Variants in HKDC1 observed in about 807,000 individuals in gnomAD.
The protein encoded by HKDC1 is hexokinase domain containing 1, also known as hexokinase HKDC1.
A neutral mutation model predicts 96.6 loss-of-function variants in HKDC1; 66 were observed. The ratio of observed to expected loss-of-function variants is 0.68; its 90% CI spans 0.56 to 0.84. HKDC1 has a LOEUF of 0.84. HKDC1 is among the 40% of genes least tolerant of loss of function. The pLI, the probability that HKDC1 is intolerant of heterozygous loss-of-function variation, is 0.00. For synonymous variants in HKDC1, 466 were observed against 473.1 expected (o/e 0.98, Z 0.20); for missense variants, 1,211 against 1,208.1 (o/e 1.00, Z -0.04).
chr10:69,257,718 T>C (rs1311224713), intron 14 of HKDC1, among the ~76,000 whole-genome samples: 3 of 152,160 alleles, frequency 2.0e-5, no homozygotes, highest in African/African-American at 7.2e-5. Context: ...TTGGATCATC[T>C]TGGCCTGGGG....
chr10:69,232,792 C>T lies in HKDC1; in HGVS notation c.255C>T (p.Leu85=), dbSNP rs758640909. The T allele has an allele frequency of 1.4e-5, 22 of 1,613,986 alleles. No individual in the cohort carries two copies. The highest frequency in any genetic ancestry group is 4.4e-5 in the South Asian group (4 of 91,078). The change falls in exon 3 of 18, where the codon CTC becomes CTT. Residue 85 remains leucine (L), a synonymous_variant. Transcript: ENST00000354624. ...ATGGGGAGTTCCTTTCCCTGGATCT[C>T]GGAGGGTCCAAGTTCCGAGTGCTGA... ...SENGEFLSLD[L]GGSKFRVLKV...
At chr10:69,248,900 A>G (rs2279927) in intron 10 of HKDC1, 172 bp downstream of exon 10, 149,764 of 628,408 alleles carry the variant, frequency 0.24, 19,825 homozygotes, top group Non-Finnish European at 0.28. Flanking sequence ...TGTTAACCCA[A>G]GGCATTTGCA....
chr10:69,254,028 G>T (rs1843683302), intron 12 of HKDC1, among the ~76,000 whole-genome samples: 1 of 152,220 alleles, frequency 6.6e-6, no homozygotes, highest in African/African-American at 2.4e-5. Context: ...TCCAGGGCCA[G>T]GAGCAGTGGC....
chr10:69,257,136 G>A lies in HKDC1; in HGVS notation c.1932+5G>A. The A allele has an allele frequency of 6.2e-7, 1 of 1,612,790 alleles. No individual in the cohort carries two copies. The highest frequency in any genetic ancestry group is 8.5e-7 in the Non-Finnish European group (1 of 1,178,808). On this transcript the variant is annotated splice_donor_5th_base_variant and intron_variant, in intron 13 of 17. Coordinates refer to ENST00000354624, the MANE Select transcript of HKDC1 (RefSeq NM_025130.4). ...GAAGCCATCAAGAGGAGAAACGTAGGATGTGGTGTTGAGGCTCATGCCTGC... is the reference window on the plus strand; with the variant it reads ...GAAGCCATCAAGAGGAGAAACGTAGAATGTGGTGTTGAGGCTCATGCCTGC...
chr10:69,230,079 G>T (rs184058081), intron 2 of HKDC1, among the ~76,000 whole-genome samples: 67 of 152,304 alleles, frequency 4.4e-4, no homozygotes, highest in African/African-American at 1.5e-3. Context: ...CTCCCATCAG[G>T]ACCTATCTGC....
chr10:69,252,277 C>T (rs551961138), intron 12 of HKDC1, among the ~76,000 whole-genome samples: 63 of 151,962 alleles, frequency 4.1e-4, no homozygotes, highest in Middle Eastern at 6.8e-3. Context: ...TTTGGGAGGT[C>T]GACATGGAAG....
At position 69,243,364 on chromosome 10, in the gene HKDC1, C is replaced by A; in HGVS notation, c.874C>A (p.Leu292Met). ...CGGCTCTCTCAACCCAGGAAAGCAA[C>A]TGTGAGTTCCCTTCTGGTGTTATCT... ...DLGSLNPGKQ[L>M]FEKMISGLYL... The change falls in exon 7 of 18, where the codon CTG (leucine) becomes ATG (methionine). Residue 292 changes from leucine (L) to methionine (M), a missense_variant and splice_region_variant. Transcript: ENST00000354624. The A allele has an allele frequency of 1.3e-6, 2 of 1,574,402 alleles. No individual in the cohort carries two copies. The highest frequency in any genetic ancestry group is 1.7e-6 in the Non-Finnish European group (2 of 1,159,890).
chr10:69,228,604 G>A (rs147107484), intron 2 of HKDC1, among the ~76,000 whole-genome samples: 150 of 152,284 alleles, frequency 9.9e-4, no homozygotes, highest in African/African-American at 3.4e-3. Context: ...GGTGGCTCAC[G>A]CCTGTAATCC....
intron 2 of HKDC1, among the ~76,000 whole-genome samples, chr10:69,228,178 G>C (rs145226199): frequency 3.2e-4 from 48 of 152,268 alleles, no homozygotes; most frequent in Admixed American, 6.5e-4. Context: ...AACTTTTCCA[G>C]TTTCGAGAGG....
intron 1 of HKDC1, among the ~76,000 whole-genome samples, chr10:69,221,740 C>T (rs1267909347): frequency 1.3e-5 from 2 of 152,026 alleles, no homozygotes; most frequent in African/African-American, 4.8e-5. Context: ...TGAGACCAGC[C>T]TGGGCAACAT....
At chr10:69,222,873 A>G (rs1188755275) in intron 1 of HKDC1, 2 of 152,198 alleles carry the variant, frequency 1.3e-5, no homozygotes, top group African/African-American at 4.8e-5. Context: ...TGGTGGAAAC[A>G]CACCTGGTCA....
At chr10:69,250,498 G>A (rs372317648) in intron 11 of HKDC1, 35 bp from the exon 12 acceptor site, 46 of 1,613,516 alleles carry the variant, frequency 2.9e-5, no homozygotes, top group South Asian at 1.3e-4. Context: ...ATCGATGTCC[G>A]CCTGGTGTGA....
At chr10:69,254,493 T>C (rs1015962886) in intron 12 of HKDC1, among the ~76,000 whole-genome samples, 10 of 152,288 alleles carry the variant, frequency 6.6e-5, no homozygotes, top group African/African-American at 2.4e-4. Flanking sequence ...TCTGTACTCA[T>C]TGAGCGCTGA....
At chr10:69,248,373 T>A (rs1843577473) in intron 9 of HKDC1, 51 bp from the exon 10 acceptor site, 1 of 1,515,938 alleles carries the variant, frequency 6.6e-7, no homozygotes. Flanking sequence ...GGTCTGTGCC[T>A]GAGCCTGGCC....
Position 69,220,395 on chromosome 10 carries a change from G to T in HKDC1, c.-41G>T. The stretch of plus-strand genomic sequence containing the variant: ...GAGTCGTAGGAGTGAACACTGCACA[G>T]GAATCTCTGCCCATCTCAGGAGAAA... On this transcript the variant is annotated 5_prime_UTR_variant, in exon 1 of 18. In the 5' UTR this introduces an upstream ATG that the reference lacks. Transcript: ENST00000354624. 1 of 1,526,966 alleles carries T rather than the reference G, an allele frequency of 6.5e-7. No individual in the cohort carries two copies. Among genetic ancestry groups the T allele is most frequent in the Non-Finnish European group, 8.9e-7 (1 of 1,121,208 alleles). The allele number at this position is 1,526,966 out of a possible 1,614,324, so 94.6% of individuals were successfully genotyped here.
intron 2 of HKDC1, among the ~76,000 whole-genome samples, chr10:69,229,837 C>T (rs1167001560): frequency 6.6e-6 from 1 of 152,142 alleles, no homozygotes; most frequent in African/African-American, 2.4e-5. Flanking sequence ...CCCTAATAAG[C>T]CAGGTGTTCT....
intron 6 of HKDC1, among the ~76,000 whole-genome samples, chr10:69,242,310 C>T (rs1011344508): frequency 3.3e-5 from 5 of 151,336 alleles, no homozygotes; most frequent in South Asian, 2.1e-4. Context: ...AAACAGTGTC[C>T]GTGCATTTCT....
chr10:69,242,071 C>T (rs1243515635), intron 6 of HKDC1, among the ~76,000 whole-genome samples: 4 of 152,216 alleles, frequency 2.6e-5, no homozygotes, highest in African/African-American at 4.8e-5. Flanking sequence ...TTCTCCTTTT[C>T]CCATTCCTTT....
At chr10:69,254,643 G>A (rs1205209306) in intron 12 of HKDC1, among the ~76,000 whole-genome samples, 2 of 152,072 alleles carry the variant, frequency 1.3e-5, no homozygotes, top group Non-Finnish European at 2.9e-5. Context: ...TTATAGGTGT[G>A]TTTTGTGGTT....
Sources: gnomAD v4.1 joint callset for allele counts (sites outside exome capture counted in the v4.1 genomes callset) on GRCh38, gnomAD v4.1.1 for gene constraint, MANE v1.5 for transcripts, NCBI Gene and HGNC (gene_info 2026-07-23, HGNC 2026-07-21) for gene names.